The following CSMD1 variants were observed in gnomAD, a reference collection of about 807,000 sequenced individuals.
CSMD1 encodes CUB and Sushi multiple domains 1, also known as CUB and sushi domain-containing protein 1.
Under a neutral mutation model 417.5 loss-of-function variants are expected in CSMD1, and 213 were observed. The ratio of observed to expected loss-of-function variants is 0.51; its 90% CI spans 0.46 to 0.57. The LOEUF (loss-of-function observed/expected upper bound fraction) is 0.57, where lower values mean the gene tolerates loss of function less well. Ranked by LOEUF, CSMD1 falls within the 20% of genes least tolerant of loss-of-function variation. The pLI, the probability that CSMD1 is intolerant of heterozygous loss-of-function variation, is 0.00. For missense variants in CSMD1, 6,923 were observed against 4,529.7 expected (o/e 1.53, Z -15.17); for synonymous variants, 2,862 against 1,736.8 (o/e 1.65, Z -16.11).
rs531690443 is a variant in CSMD1 at position 3,426,011 on chromosome 8, A to G, written c.1562-16406T>C. Among the ~76,000 whole-genome samples the G allele has an allele frequency of 6.6e-5, 10 of 152,338 alleles. No homozygotes were observed. In the South Asian group the frequency reaches 2.1e-3, roughly 32 times the overall value. On this transcript the variant is annotated intron_variant, in intron 12 of 69. Coordinates refer to ENST00000635120, the MANE Select transcript of CSMD1 (RefSeq NM_033225.6). Reference sequence around the variant, plus strand: ...AAAAAAGCTGGGTCTATGTAGAATCAGAAAGAATTATTTAAAAAAAATCTG... The same window carrying G: ...AAAAAAGCTGGGTCTATGTAGAATCGGAAAGAATTATTTAAAAAAAATCTG...
At chr8:3,249,899 A>C (rs1191312368) in intron 26 of CSMD1, among the ~76,000 whole-genome samples, 1 of 152,222 alleles carries the variant, frequency 6.6e-6, no homozygotes. Context: ...TGCTATTGCA[A>C]AGCCAACTAA....
At chr8:3,367,873 G>A (rs1342810099) in intron 19 of CSMD1, among the ~76,000 whole-genome samples, 1 of 152,158 alleles carries the variant, frequency 6.6e-6, no homozygotes, top group African/African-American at 2.4e-5. Context: ...GACTCTTAGG[G>A]ACAGTATTTG....
chr8:4,237,218 A>G (rs966166110), intron 3 of CSMD1, among the ~76,000 whole-genome samples: 7 of 152,126 alleles, frequency 4.6e-5, no homozygotes, highest in African/African-American at 1.7e-4. Flanking sequence ...TCAATTGTTT[A>G]ATTTTTTCCG....
chr8:4,215,764 A>C lies in CSMD1; in HGVS notation c.416-183665T>G, dbSNP rs1800630214. ...ATACTTCCTGTCACTTTTTCTTTAA[A>C]ACATTGTTTTCTTGGTGGAATATCT... On this transcript the variant is annotated intron_variant, in intron 3 of 69. Coordinates refer to ENST00000635120, the MANE Select transcript of CSMD1 (RefSeq NM_033225.6). 2.0e-5 allele frequency among the ~76,000 whole-genome samples: 3 copies of C among 152,160 alleles called. No individual in the cohort carries two copies. In the South Asian group the frequency reaches 6.2e-4, roughly 32 times the overall value.
intron 5 of CSMD1, among the ~76,000 whole-genome samples, chr8:3,766,400 A>G (rs1798268647): frequency 6.6e-6 from 1 of 152,208 alleles, no homozygotes; most frequent in Non-Finnish European, 1.5e-5. Flanking sequence ...GCCTGTTTCT[A>G]ACCCTTGGCT....
chr8:3,042,274 G>C (rs1811153244), intron 50 of CSMD1, among the ~76,000 whole-genome samples: 1 of 152,028 alleles, frequency 6.6e-6, no homozygotes, highest in African/African-American at 2.4e-5. Flanking sequence ...CTAGCACAGA[G>C]ACTCGTGCAT....
At chr8:3,090,734 A>C (rs944737534) in intron 48 of CSMD1, among the ~76,000 whole-genome samples, 1 of 152,220 alleles carries the variant, frequency 6.6e-6, no homozygotes, top group East Asian at 1.9e-4. Context: ...AAAGCTGTCA[A>C]GGGCATTGCT....
At chr8:4,031,667 C>CA (rs1264668201) in intron 4 of CSMD1, among the ~76,000 whole-genome samples, 4 of 152,054 alleles carry the variant, frequency 2.6e-5, no homozygotes, top group African/African-American at 4.8e-5. Context: ...TATATTATTA[C>CA]TTATCACATG....
chr8:4,182,850 G>C (rs1185880510), intron 3 of CSMD1, among the ~76,000 whole-genome samples: 1 of 152,168 alleles, frequency 6.6e-6, no homozygotes, highest in African/African-American at 2.4e-5. Flanking sequence ...TATTGAGACA[G>C]AAATTAATAG....
intron 49 of CSMD1, among the ~76,000 whole-genome samples, chr8:3,060,272 A>G (rs1313730741): frequency 2.0e-5 from 3 of 151,256 alleles, no homozygotes; most frequent in African/African-American, 7.3e-5. Context: ...CAGCCTCCTG[A>G]GTAGCTGGGA....
At chr8:3,364,592 C>G (rs960945554) in intron 20 of CSMD1, among the ~76,000 whole-genome samples, 3 of 152,112 alleles carry the variant, frequency 2.0e-5, no homozygotes, top group Non-Finnish European at 4.4e-5. Context: ...ATTTGATCCC[C>G]TTTTTGGGAG....
chr8:4,843,048 G>C (rs764769380), intron 1 of CSMD1, among the ~76,000 whole-genome samples: 8 of 152,142 alleles, frequency 5.3e-5, no homozygotes, highest in Non-Finnish European at 1.0e-4. Flanking sequence ...GTCAAAATAA[G>C]AGATGCTAAT....
At chr8:3,340,091 A>G (rs1322773653) in intron 23 of CSMD1, among the ~76,000 whole-genome samples, 1 of 152,178 alleles carries the variant, frequency 6.6e-6, no homozygotes, top group Non-Finnish European at 1.5e-5. Context: ...CGGTCAATAT[A>G]CTTGATGCCT....
At chr8:3,146,198 G>C (rs1037744426) in intron 40 of CSMD1, among the ~76,000 whole-genome samples, 5 of 152,048 alleles carry the variant, frequency 3.3e-5, no homozygotes, top group African/African-American at 1.2e-4. Flanking sequence ...AAAGATAATG[G>C]GGTAAGGCAG....
At chr8:3,549,773 T>A (rs1798830852) in intron 10 of CSMD1, among the ~76,000 whole-genome samples, 1 of 152,138 alleles carries the variant, frequency 6.6e-6, no homozygotes, top group African/African-American at 2.4e-5. Context: ...GACTTTGAGT[T>A]TTCAGCCTCC....
At chr8:3,576,776 G>A (rs543224253) in intron 9 of CSMD1, among the ~76,000 whole-genome samples, 7 of 152,170 alleles carry the variant, frequency 4.6e-5, no homozygotes, top group Admixed American at 2.0e-4. Context: ...TTCTCAGAGA[G>A]GATCATAAAC....
intron 2 of CSMD1, among the ~76,000 whole-genome samples, chr8:4,466,088 A>AGCTGG (rs1800149341): frequency 6.6e-6 from 1 of 152,212 alleles, no homozygotes; most frequent in East Asian, 1.9e-4. Context: ...GAGAGATTAA[A>AGCTGG]TATCATGACA....
chr8:3,411,807 CGTATATATACGTGTATAT>C (rs1300918225), intron 12 of CSMD1, among the ~76,000 whole-genome samples: 4 of 105,506 alleles, frequency 3.8e-5, no homozygotes, highest in Admixed American at 1.1e-4. Context: ...TATATATACA[CGTATATATACGTGTATAT>C]GTATATATGC....
intron 50 of CSMD1, among the ~76,000 whole-genome samples, chr8:3,035,292 G>T (rs1302980783): frequency 6.6e-6 from 1 of 152,100 alleles, no homozygotes; most frequent in African/African-American, 2.4e-5. Context: ...CATTGTGTAT[G>T]TAATTGTATA....
Sources: allele counts gnomAD v4.1 joint callset (sites outside exome capture counted in the v4.1 genomes callset), GRCh38; gene constraint gnomAD v4.1.1; transcripts MANE v1.5; gene names NCBI Gene and HGNC (gene_info 2026-07-23, HGNC 2026-07-21).